Variants in GFRA2 observed in about 807,000 individuals in gnomAD.
The protein encoded by GFRA2 is GDNF family receptor alpha-2.
A neutral mutation model predicts 48.3 loss-of-function variants in GFRA2; 17 were observed. The observed-to-expected ratio is 0.35, with a 90% CI of 0.24 to 0.53. The LOEUF is 0.53. GFRA2 is among the 20% of genes least tolerant of loss of function. The pLI is 0.93. For synonymous variants in GFRA2, 305 were observed against 257.2 expected, an observed-to-expected ratio of 1.19 and a Z score of -1.78; for missense variants, 660 against 637.3, an observed-to-expected ratio of 1.04 and a Z score of -0.38.
At chr8:21,754,613 A>T (rs973564951) in intron 3 of GFRA2, among the ~76,000 whole-genome samples, 2 of 147,910 alleles carry the variant, frequency 1.4e-5, no homozygotes, top group Non-Finnish European at 3.0e-5. Context: ...GGTTCAAGAG[A>T]TTCTCCTGCT....
At chr8:21,752,344 G>A (rs984797996) in intron 3 of GFRA2, among the ~76,000 whole-genome samples, 10 of 152,054 alleles carry the variant, frequency 6.6e-5, no homozygotes, top group African/African-American at 2.4e-4. Flanking sequence ...GGCCCCACCT[G>A]TCTGATGGAT....
intron 7 of GFRA2, among the ~76,000 whole-genome samples, chr8:21,702,122 C>G (rs1304474290): frequency 1.3e-5 from 2 of 152,312 alleles, no homozygotes; most frequent in African/African-American, 2.4e-5. Flanking sequence ...GGACCCCAAG[C>G]CCCCTGCTTG....
chr8:21,695,731 T>A (rs969826667), intron 7 of GFRA2, among the ~76,000 whole-genome samples: 1 of 152,060 alleles, frequency 6.6e-6, no homozygotes, highest in Non-Finnish European at 1.5e-5. Context: ...GCTAAGACTG[T>A]GAGGCCACGG....
chr8:21,742,869 T>C (rs1326517928), intron 4 of GFRA2, among the ~76,000 whole-genome samples: 1 of 152,184 alleles, frequency 6.6e-6, no homozygotes, highest in Non-Finnish European at 1.5e-5. Flanking sequence ...GGTGTGAGCC[T>C]CTGGAGCCCA....
At chr8:21,760,468 A>G (rs1024433267) in intron 3 of GFRA2, among the ~76,000 whole-genome samples, 4 of 152,228 alleles carry the variant, frequency 2.6e-5, no homozygotes, top group African/African-American at 9.6e-5. Context: ...AGAGAAATCA[A>G]GAAAACCTCT....
intron 4 of GFRA2, among the ~76,000 whole-genome samples, chr8:21,740,059 C>A (rs191564697): frequency 2.4e-3 from 373 of 152,270 alleles, no homozygotes; most frequent in Non-Finnish European, 4.0e-3. Flanking sequence ...GTGCAGTGGA[C>A]AGAGTCAGTA....
intron 4 of GFRA2, among the ~76,000 whole-genome samples, chr8:21,736,781 T>C (rs1018518099): frequency 3.3e-5 from 5 of 152,166 alleles, no homozygotes; most frequent in Non-Finnish European, 7.3e-5. Context: ...CATGAGCTAC[T>C]GTGCTCTGTC....
At chr8:21,721,033 G>T (rs1218110054) in intron 4 of GFRA2, among the ~76,000 whole-genome samples, 1 of 151,528 alleles carries the variant, frequency 6.6e-6, no homozygotes, top group Non-Finnish European at 1.5e-5. Context: ...GGAAGGGAAG[G>T]GAGGGGAGGG....
chr8:21,696,540 A>T (rs1258843754), intron 7 of GFRA2, among the ~76,000 whole-genome samples: 1 of 152,194 alleles, frequency 6.6e-6, no homozygotes, highest in Non-Finnish European at 1.5e-5. Context: ...CCGGACCTAG[A>T]CACTCTGCAG....
At chr8:21,801,216 G>A (rs1395974348) in intron 2 of GFRA2, among the ~76,000 whole-genome samples, 13 of 152,054 alleles carry the variant, frequency 8.5e-5, no homozygotes, top group African/African-American at 2.9e-4. Context: ...ACACCCCTTG[G>A]ATCAGACCCA....
intron 3 of GFRA2, among the ~76,000 whole-genome samples, chr8:21,757,025 C>T (rs145356269): frequency 1.6e-4 from 24 of 152,306 alleles, no homozygotes; most frequent in African/African-American, 4.1e-4. Flanking sequence ...TCTCCAAAAC[C>T]GCAGTTAAGT....
intron 7 of GFRA2, among the ~76,000 whole-genome samples, chr8:21,697,147 GA>G (rs1802242679): frequency 8.6e-6 from 1 of 115,950 alleles, no homozygotes; most frequent in Non-Finnish European, 1.9e-5. Flanking sequence ...GACAGAGGGA[GA>G]GGGGAAGGGA....
At chr8:21,759,855 C>T (rs1425602116) in intron 3 of GFRA2, among the ~76,000 whole-genome samples, 1 of 146,642 alleles carries the variant, frequency 6.8e-6, no homozygotes, top group African/African-American at 2.6e-5. Flanking sequence ...CACCACTGCA[C>T]TCCATCCTGG....
intron 3 of GFRA2, among the ~76,000 whole-genome samples, chr8:21,757,792 A>G (rs1406931249): frequency 2.6e-5 from 4 of 152,152 alleles, no homozygotes; most frequent in African/African-American, 2.4e-5. Context: ...ATGAGCCACC[A>G]CACTGGACCT....
At chr8:21,725,088 G>A (rs1010834988) in intron 4 of GFRA2, among the ~76,000 whole-genome samples, 2 of 152,180 alleles carry the variant, frequency 1.3e-5, no homozygotes, top group Non-Finnish European at 2.9e-5. Context: ...GATTTGCAGG[G>A]GGCAGCAGCA....
At chr8:21,730,870 C>G (rs1421493778) in intron 4 of GFRA2, among the ~76,000 whole-genome samples, 5 of 152,068 alleles carry the variant, frequency 3.3e-5, no homozygotes, top group Admixed American at 2.0e-4. Context: ...GTGTAGGAAG[C>G]ACAGAATTTG....
At chr8:21,712,161 A>G (rs1467846160) in intron 4 of GFRA2, among the ~76,000 whole-genome samples, 1 of 152,128 alleles carries the variant, frequency 6.6e-6, no homozygotes, top group African/African-American at 2.4e-5. Context: ...CAAAACCGCC[A>G]TTGTCATCAT....
intron 2 of GFRA2, chr8:21,797,819 A>G (rs1421793839): frequency 6.6e-6 from 1 of 152,148 alleles, no homozygotes; most frequent in African/African-American, 2.4e-5. Context: ...CATGTCCACA[A>G]GGATCCAGTA....
At chr8:21,725,470 C>T (rs914569832) in intron 4 of GFRA2, among the ~76,000 whole-genome samples, 29 of 152,224 alleles carry the variant, frequency 1.9e-4, no homozygotes, top group Non-Finnish European at 3.5e-4. Flanking sequence ...GAAATCTGTA[C>T]TTTAGAAACC....
Sources: gnomAD v4.1 joint callset for allele counts (sites outside exome capture counted in the v4.1 genomes callset) on GRCh38, gnomAD v4.1.1 for gene constraint, MANE v1.5 for transcripts, NCBI Gene and HGNC (gene_info 2026-07-23, HGNC 2026-07-21) for gene names.